RERE: variants seen among roughly 807,000 people sequenced by gnomAD.
RERE encodes arginine-glutamic acid dipeptide repeats.
RERE carries 40 observed loss-of-function variants against 146.1 expected under a neutral mutation model. That is an observed-to-expected ratio of 0.27 (90% CI 0.21 to 0.36). RERE has a LOEUF of 0.36. RERE is among the 10% of genes least tolerant of loss of function. RERE has a pLI of 1.00. For synonymous variants in RERE, 1,003 were observed against 866.0 expected, an observed-to-expected ratio of 1.16 and a Z score of -2.78; for missense variants, 1,933 against 2,138.7, an observed-to-expected ratio of 0.90 and a Z score of 1.90.
intron 1 of RERE, among the ~76,000 whole-genome samples, chr1:8,751,697 G>A (rs1298657732): frequency 4.6e-5 from 7 of 151,330 alleles, no homozygotes; most frequent in South Asian, 2.1e-4. Context: ...TCATACAGAC[G>A]TCCTCAGAGA....
intron 1 of RERE, among the ~76,000 whole-genome samples, chr1:8,681,450 G>A (rs1000830600): frequency 1.7e-4 from 26 of 151,946 alleles, no homozygotes; most frequent in African/African-American, 5.3e-4. Flanking sequence ...CATTTCTATC[G>A]TAAATATTTG....
intron 1 of RERE, among the ~76,000 whole-genome samples, chr1:8,756,162 A>G (rs1640635956): frequency 6.6e-6 from 1 of 152,190 alleles, no homozygotes; most frequent in African/African-American, 2.4e-5. Context: ...AAAATAAAGT[A>G]AAAAATAATC....
At chr1:8,700,493 T>C (rs1180544932) in intron 1 of RERE, among the ~76,000 whole-genome samples, 3 of 151,926 alleles carry the variant, frequency 2.0e-5, no homozygotes, top group Non-Finnish European at 4.4e-5. Context: ...TTCTAATAAC[T>C]TGAAACAATA....
intron 1 of RERE, among the ~76,000 whole-genome samples, chr1:8,799,065 C>T (rs1232781839): frequency 6.6e-6 from 1 of 151,932 alleles, no homozygotes; most frequent in Non-Finnish European, 1.5e-5. Context: ...CAGACCTCGG[C>T]TCACTGCAAC....
intron 6 of RERE, among the ~76,000 whole-genome samples, chr1:8,543,643 T>C (rs1219009896): frequency 6.6e-6 from 1 of 152,202 alleles, no homozygotes; most frequent in Non-Finnish European, 1.5e-5. Context: ...TAAATAATTA[T>C]TTATTGTCAG....
intron 2 of RERE, among the ~76,000 whole-genome samples, chr1:8,633,376 T>C (rs1393947289): frequency 1.4e-5 from 2 of 147,632 alleles, no homozygotes; most frequent in East Asian, 3.9e-4. Context: ...TGAGCTATAA[T>C]AGCACCACTG....
At chr1:8,406,365 C>A (rs1332172684) in intron 12 of RERE, among the ~76,000 whole-genome samples, 4 of 151,980 alleles carry the variant, frequency 2.6e-5, no homozygotes, top group Non-Finnish European at 5.9e-5. Flanking sequence ...GATGCTGTCC[C>A]CAGTCAGATT....
intron 8 of RERE, among the ~76,000 whole-genome samples, chr1:8,501,031 AGGG>A (rs1242373220): frequency 1.2e-3 from 42 of 36,300 alleles, no homozygotes; most frequent in African/African-American, 4.3e-3. Flanking sequence ...CCCGTCCGGG[AGGG>A]GGGGGGGGGG....
chr1:8,531,920 A>G (rs1645659119), intron 7 of RERE, among the ~76,000 whole-genome samples: 1 of 152,206 alleles, frequency 6.6e-6, no homozygotes, highest in African/African-American at 2.4e-5. Context: ...AAAATAACTA[A>G]AATAGTATAA....
At chr1:8,758,315 C>A (rs555552949) in intron 1 of RERE, among the ~76,000 whole-genome samples, 15 of 151,882 alleles carry the variant, frequency 9.9e-5, no homozygotes, top group African/African-American at 3.6e-4. Flanking sequence ...ATCTCCTGAC[C>A]TCCTGATCCA....
At chr1:8,619,219 A>G (rs1268708583) in intron 3 of RERE, among the ~76,000 whole-genome samples, 1 of 152,204 alleles carries the variant, frequency 6.6e-6, no homozygotes, top group African/African-American at 2.4e-5. Context: ...ATACAGCGGC[A>G]TTCTCATCTA....
chr1:8,486,103 T>C (rs1006146629), intron 10 of RERE, among the ~76,000 whole-genome samples: 3 of 152,086 alleles, frequency 2.0e-5, no homozygotes, highest in African/African-American at 4.8e-5. Context: ...TGGCCTACAA[T>C]CACTATTGAA....
chr1:8,661,446 A>T (rs1240244627), intron 1 of RERE, among the ~76,000 whole-genome samples: 1 of 152,146 alleles, frequency 6.6e-6, no homozygotes, highest in Non-Finnish European at 1.5e-5. Context: ...CAGGGATGTG[A>T]GTAGCAAAGA....
intron 3 of RERE, among the ~76,000 whole-genome samples, chr1:8,616,516 C>T (rs1646854224): frequency 6.6e-6 from 1 of 152,070 alleles, no homozygotes; most frequent in Non-Finnish European, 1.5e-5. Flanking sequence ...CAGTAGATGG[C>T]TGCAAATATC....
chr1:8,815,741 CTG>C (rs1641898847), intron 1 of RERE, among the ~76,000 whole-genome samples: 1 of 152,078 alleles, frequency 6.6e-6, no homozygotes, highest in Non-Finnish European at 1.5e-5. Context: ...CCAAAAAGAG[CTG>C]TGTTTGTCTG....
intron 1 of RERE, among the ~76,000 whole-genome samples, chr1:8,757,463 T>C (rs537860608): frequency 6.6e-6 from 1 of 152,296 alleles, no homozygotes; most frequent in African/African-American, 2.4e-5. Context: ...CTAAATAGGA[T>C]GCTCCATCAA....
intron 7 of RERE, among the ~76,000 whole-genome samples, chr1:8,533,883 T>C (rs909020448): frequency 2.0e-5 from 3 of 152,234 alleles, no homozygotes; most frequent in African/African-American, 7.2e-5. Flanking sequence ...TCAAATCAAA[T>C]GATCAAATGA....
At chr1:8,417,036 C>T (rs566197165) in intron 12 of RERE, among the ~76,000 whole-genome samples, 1 of 152,244 alleles carries the variant, frequency 6.6e-6, no homozygotes, top group African/African-American at 2.4e-5. Context: ...GGTATGTGGC[C>T]GTGACACATT....
chr1:8,695,655 G>A (rs1181572862), intron 1 of RERE, among the ~76,000 whole-genome samples: 1 of 150,628 alleles, frequency 6.6e-6, no homozygotes, highest in Non-Finnish European at 1.5e-5. Flanking sequence ...CAGCTACTTG[G>A]GAGGCTGAGG....
Sources: allele counts gnomAD v4.1 joint callset (sites outside exome capture counted in the v4.1 genomes callset), GRCh38; gene constraint gnomAD v4.1.1; transcripts MANE v1.5; gene names NCBI Gene and HGNC (gene_info 2026-07-23, HGNC 2026-07-21).